Variants in FBXL2 observed in about 807,000 individuals in gnomAD.
The protein encoded by FBXL2 is F-box and leucine rich repeat protein 2.
In FBXL2, 38 loss-of-function variants were observed where a neutral mutation model predicts 69.2. The observed-to-expected ratio is 0.55, with a 90% CI of 0.42 to 0.72. The LOEUF is 0.72. Among genes scored for constraint, FBXL2 ranks in the 30% least tolerant of loss-of-function variants. The pLI is 0.00. For missense variants in FBXL2, 354 were observed against 520.3 expected (o/e 0.68, Z 3.11); for synonymous variants, 192 against 201.3 (o/e 0.95, Z 0.39).
chr3:33,392,326 G>GTAAGA (rs2043801862), downstream of FBXL2: 3 of 435,336 alleles, frequency 6.9e-6, no homozygotes, highest in Non-Finnish European at 1.2e-5. Context: ...AAAGTGCTCA[G>GTAAGA]TAAGACGTTG....
At chr3:33,365,808 C>T (rs1466068267) in intron 5 of FBXL2, among the ~76,000 whole-genome samples, 2 of 152,200 alleles carry the variant, frequency 1.3e-5, no homozygotes, top group Non-Finnish European at 2.9e-5. Flanking sequence ...TTAAAACCTT[C>T]ATGTCTTTAT....
At chr3:33,336,959 C>G (rs2039633292) in intron 2 of FBXL2, among the ~76,000 whole-genome samples, 1 of 151,862 alleles carries the variant, frequency 6.6e-6, no homozygotes, top group Admixed American at 6.6e-5. Flanking sequence ...AATCCTAGCA[C>G]TTTGGGAGGC....
chr3:33,285,477 T>G (rs2034510737), intron 1 of FBXL2, among the ~76,000 whole-genome samples: 1 of 152,210 alleles, frequency 6.6e-6, no homozygotes, highest in South Asian at 2.1e-4. Flanking sequence ...CTTAACATTT[T>G]TTCCTTCATT....
At chr3:33,345,701 C>G (rs960123092) in intron 2 of FBXL2, among the ~76,000 whole-genome samples, 3 of 152,132 alleles carry the variant, frequency 2.0e-5, no homozygotes, top group Non-Finnish European at 4.4e-5. Flanking sequence ...AATGTTCCTA[C>G]AGACCACAAT....
chr3:33,310,310 C>A (rs1308181346), intron 2 of FBXL2, among the ~76,000 whole-genome samples: 1 of 151,948 alleles, frequency 6.6e-6, no homozygotes, highest in Non-Finnish European at 1.5e-5. Flanking sequence ...CGCCACCACG[C>A]CTGGCTAATT....
In FBXL2 at chr3:33,359,038, AT is replaced by A; in HGVS notation, c.120+23del. The A allele has an allele frequency of 6.7e-7, 1 of 1,488,718 alleles. No homozygotes were observed. Among genetic ancestry groups the A allele is most frequent in the South Asian group, 1.4e-5 (1 of 71,498 alleles). 92.2% of individuals were successfully genotyped at this position (1,488,718 alleles called of 1,614,324 possible). Reference sequence around the variant, plus strand: ...ATTTCCAAGGTAGAGTATTCACCAGATTTTTTAATCAATAAATATCAAGTTT... The same window carrying A: ...ATTTCCAAGGTAGAGTATTCACCAGATTTTTAATCAATAAATATCAAGTTT... On this transcript the variant is annotated intron_variant, in intron 3 of 14. Coordinates refer to ENST00000484457, the MANE Select transcript of FBXL2 (RefSeq NM_012157.5).
chr3:33,378,412 AG>A (rs2042785355), intron 12 of FBXL2, among the ~76,000 whole-genome samples: 1 of 152,192 alleles, frequency 6.6e-6, no homozygotes, highest in South Asian at 2.1e-4. Flanking sequence ...GACTCCAAAG[AG>A]GAGAATCCTG....
chr3:33,395,985 C>A (rs529839940), intron 12 of FBXL2, among the ~76,000 whole-genome samples: 1 of 152,300 alleles, frequency 6.6e-6, no homozygotes, highest in African/African-American at 2.4e-5. Context: ...CCAGTTTCCT[C>A]TTCTCCCAAG....
intron 2 of FBXL2, among the ~76,000 whole-genome samples, chr3:33,327,399 A>C (rs935220504): frequency 1.3e-5 from 2 of 152,258 alleles, no homozygotes; most frequent in Admixed American, 6.5e-5. Context: ...TTAAAAAAAA[A>C]AGTTTTGAAA....
chr3:33,288,993 GA>G (rs1043729233), intron 1 of FBXL2, among the ~76,000 whole-genome samples: 1 of 152,184 alleles, frequency 6.6e-6, no homozygotes, highest in African/African-American at 2.4e-5. Flanking sequence ...GCCTGAGCAA[GA>G]GGAAGAAGGA....
chr3:33,359,206 T>A, intron 3 of FBXL2, 77 bp from the exon 4 acceptor site: 1 of 1,308,424 alleles, frequency 7.6e-7, no homozygotes, highest in Non-Finnish European at 1.1e-6. Context: ...TAAAGGTTAA[T>A]CAAGACTTTC....
Position 33,327,958 on chromosome 3 carries a change from CA to C in FBXL2, c.65+30246del, listed in dbSNP as rs11458838. Among the ~76,000 whole-genome samples the C allele has an allele frequency of 3.8e-4, 55 of 145,022 alleles. No homozygotes were observed. The South Asian group carries it at 6.1e-3, about 16-fold the overall frequency. ...ATTTAGAAAAAGCTAAAGAATCTAC[CA>C]AAAAAAAAAAAACTGTTAGAACTGA... On this transcript the variant is annotated intron_variant, in intron 2 of 14. Transcript: ENST00000484457.
chr3:33,327,872 G>C (rs2038825128), intron 2 of FBXL2, among the ~76,000 whole-genome samples: 1 of 151,608 alleles, frequency 6.6e-6, no homozygotes, highest in Admixed American at 6.6e-5. Context: ...AGAAAGAAAG[G>C]GCATCCAAAT....
In FBXL2 at chr3:33,305,000, G is replaced by T. The variant is rs117059731; in HGVS notation, c.65+7275G>T. On this transcript the variant is annotated intron_variant, in intron 2 of 14. Coordinates refer to ENST00000484457, the MANE Select transcript of FBXL2 (RefSeq NM_012157.5). ...TATTTGGTTATCGGCTTATTGATCT[G>T]TAGTTCTTTATATTCTCAGTATAAT... Among the ~76,000 whole-genome samples the T allele has an allele frequency of 2.2e-4, 34 of 152,046 alleles. No homozygotes were observed. In the East Asian group the frequency reaches 6.4e-3, roughly 28 times the overall value.
At chr3:33,379,728 C>T (rs2042902187) in intron 13 of FBXL2, among the ~76,000 whole-genome samples, 1 of 151,344 alleles carries the variant, frequency 6.6e-6, no homozygotes, top group African/African-American at 2.4e-5. Flanking sequence ...CGATATTCCT[C>T]ATAAACATAG....
chr3:33,406,273 AC>A (rs2044425031), downstream of FBXL2, among the ~76,000 whole-genome samples: 2 of 152,022 alleles, frequency 1.3e-5, no homozygotes, highest in South Asian at 4.2e-4. Context: ...AAAAAACTAG[AC>A]CCTTGTTTTT....
At chr3:33,367,261 A>G (rs544509040) in intron 5 of FBXL2, among the ~76,000 whole-genome samples, 1 of 152,198 alleles carries the variant, frequency 6.6e-6, no homozygotes, top group African/African-American at 2.4e-5. Context: ...TTATATTTTC[A>G]GTAGAGACGG....
chr3:33,405,353 T>C (rs996609495), downstream of FBXL2, among the ~76,000 whole-genome samples: 2 of 152,212 alleles, frequency 1.3e-5, no homozygotes, highest in East Asian at 1.9e-4. Context: ...CCATGGCATT[T>C]AGATTCCATA....
intron 2 of FBXL2, among the ~76,000 whole-genome samples, chr3:33,353,212 C>T (rs1309734372): frequency 6.6e-6 from 1 of 152,170 alleles, no homozygotes; most frequent in Non-Finnish European, 1.5e-5. Context: ...GTTTAGAATA[C>T]AGCTTGGCAG....
Sources: gnomAD v4.1 joint callset for allele counts (sites outside exome capture counted in the v4.1 genomes callset) on GRCh38, gnomAD v4.1.1 for gene constraint, MANE v1.5 for transcripts, NCBI Gene and HGNC (gene_info 2026-07-23, HGNC 2026-07-21) for gene names.